STAU2: variants seen among roughly 807,000 people sequenced by gnomAD.
STAU2 encodes the protein staufen double-stranded RNA binding protein 2, also known as double-stranded RNA-binding protein Staufen homolog 2.
In STAU2, 20 loss-of-function variants were observed where a neutral mutation model predicts 65.9. The observed-to-expected ratio is 0.30, with a 90% CI of 0.21 to 0.44. The LOEUF is 0.44. STAU2 is among the 20% of genes least tolerant of loss of function. The pLI is 1.00. For missense variants in STAU2, 558 were observed against 683.9 expected (o/e 0.82, Z 2.05); for synonymous variants, 232 against 233.9 (o/e 0.99, Z 0.07).
intron 4 of STAU2, among the ~76,000 whole-genome samples, chr8:73,691,680 C>T (rs1357146928): frequency 6.6e-6 from 1 of 152,104 alleles, no homozygotes; most frequent in African/African-American, 2.4e-5. Context: ...CCCTAAACTA[C>T]CACAACACCA....
intron 6 of STAU2, among the ~76,000 whole-genome samples, chr8:73,659,706 C>A (rs1389890820): frequency 6.6e-6 from 1 of 152,048 alleles, no homozygotes; most frequent in African/African-American, 2.4e-5. Flanking sequence ...TTTTTCAGAG[C>A]TTGAGCAACA....
intron 13 of STAU2, among the ~76,000 whole-genome samples, chr8:73,490,038 T>C (rs1301838229): frequency 6.6e-6 from 1 of 152,038 alleles, no homozygotes; most frequent in African/African-American, 2.4e-5. Flanking sequence ...CAACCTTTGT[T>C]AATTTGCTAC....
intron 12 of STAU2, among the ~76,000 whole-genome samples, chr8:73,555,589 AAAT>A (rs1807687316): frequency 6.6e-6 from 1 of 151,310 alleles, no homozygotes; most frequent in Admixed American, 6.5e-5. Flanking sequence ...ACACAATAAA[AAAT>A]AATGCAACAA....
intron 13 of STAU2, among the ~76,000 whole-genome samples, chr8:73,530,644 T>A (rs1194444602): frequency 6.6e-6 from 1 of 152,158 alleles, no homozygotes; most frequent in African/African-American, 2.4e-5. Flanking sequence ...TTGCTGTATA[T>A]CCCTGGCAGT....
intron 13 of STAU2, chr8:73,550,507 A>G: frequency 3.0e-6 from 3 of 986,516 alleles, no homozygotes; most frequent in Non-Finnish European, 3.6e-6. Flanking sequence ...TGTTACTCTC[A>G]GACATTTCTA....
chr8:73,679,899 CAAAACAAAAACA>C (rs994957971), intron 5 of STAU2, among the ~76,000 whole-genome samples: 2 of 139,106 alleles, frequency 1.4e-5, no homozygotes, highest in South Asian at 2.3e-4. Flanking sequence ...AAAAAAAAAA[CAAAACAAAAACA>C]AAAACAAAAA....
chr8:73,470,863 T>C (rs959968564), intron 13 of STAU2, among the ~76,000 whole-genome samples: 1 of 152,048 alleles, frequency 6.6e-6, no homozygotes, highest in African/African-American at 2.4e-5. Flanking sequence ...CAGTAAGAAA[T>C]TACTGAAGCA....
chr8:73,443,544 G>A (rs1009228297), intron 13 of STAU2, among the ~76,000 whole-genome samples: 35 of 152,214 alleles, frequency 2.3e-4, no homozygotes, highest in African/African-American at 8.0e-4. Flanking sequence ...TCTCAATGAA[G>A]CCTTTTTAGA....
intron 3 of STAU2, among the ~76,000 whole-genome samples, chr8:73,726,042 G>A (rs1805599625): frequency 2.0e-5 from 3 of 150,048 alleles, no homozygotes; most frequent in Admixed American, 1.3e-4. Flanking sequence ...TCTACTTTAG[G>A]TTGACTTCTT....
At chr8:73,584,165 C>A (rs919840442) in intron 11 of STAU2, among the ~76,000 whole-genome samples, 1 of 152,062 alleles carries the variant, frequency 6.6e-6, no homozygotes, top group African/African-American at 2.4e-5. Context: ...ATGTTAGAAA[C>A]AACCAGCAGC....
intron 13 of STAU2, among the ~76,000 whole-genome samples, chr8:73,432,407 T>C (rs746273524): frequency 4.1e-4 from 63 of 152,344 alleles, no homozygotes; most frequent in South Asian, 2.5e-3. Context: ...TATTAAATCA[T>C]AAAAATAACT....
intron 3 of STAU2, among the ~76,000 whole-genome samples, chr8:73,710,154 TG>T (rs1252684395): frequency 6.6e-6 from 1 of 152,088 alleles, no homozygotes; most frequent in Non-Finnish European, 1.5e-5. Flanking sequence ...CTCAAAAACA[TG>T]GAATATAATC....
chr8:73,522,771 C>A (rs866755836), intron 13 of STAU2, among the ~76,000 whole-genome samples: 10 of 152,276 alleles, frequency 6.6e-5, no homozygotes, highest in South Asian at 4.2e-4. Context: ...TCCAGGCAAA[C>A]CCAGCCTGAA....
At chr8:73,600,176 G>A (rs1178452914) in intron 10 of STAU2, among the ~76,000 whole-genome samples, 2 of 152,082 alleles carry the variant, frequency 1.3e-5, no homozygotes, top group Admixed American at 1.3e-4. Context: ...ATGTACAAAT[G>A]ATATAAAAAA....
chr8:73,461,869 G>A (rs1819368506), intron 13 of STAU2, among the ~76,000 whole-genome samples: 1 of 152,122 alleles, frequency 6.6e-6, no homozygotes. Context: ...CCACACCCAG[G>A]GCCCCAGCTG....
intron 13 of STAU2, among the ~76,000 whole-genome samples, chr8:73,537,728 C>G (rs757672549): frequency 6.6e-6 from 1 of 152,020 alleles, no homozygotes; most frequent in African/African-American, 2.4e-5. Context: ...TGAAACAGAA[C>G]GGAAATGATA....
At chr8:73,457,958 T>A (rs1380393574) in intron 13 of STAU2, among the ~76,000 whole-genome samples, 3 of 152,194 alleles carry the variant, frequency 2.0e-5, no homozygotes, top group African/African-American at 7.2e-5. Context: ...AGGAGGGCAC[T>A]GAGGACTTAA....
intron 13 of STAU2, among the ~76,000 whole-genome samples, chr8:73,528,613 GAATAA>G (rs1805597982): frequency 6.6e-6 from 1 of 152,096 alleles, no homozygotes; most frequent in South Asian, 2.1e-4. Context: ...TATGCTTATA[GAATAA>G]ATTAGGGATT....
intron 3 of STAU2, among the ~76,000 whole-genome samples, chr8:73,716,506 G>A (rs1390456719): frequency 6.6e-6 from 1 of 152,216 alleles, no homozygotes. Flanking sequence ...AACTTTTCCA[G>A]TGAAGCTATC....
Sources: gnomAD v4.1 joint callset for allele counts (sites outside exome capture counted in the v4.1 genomes callset) on GRCh38, gnomAD v4.1.1 for gene constraint, MANE v1.5 for transcripts, NCBI Gene and HGNC (gene_info 2026-07-23, HGNC 2026-07-21) for gene names.